The following AIM2 variants were observed in gnomAD, a reference collection of about 807,000 sequenced individuals.
AIM2 encodes the protein interferon-inducible protein AIM2.
In AIM2, 30 loss-of-function variants were observed where a neutral mutation model predicts 27.7. The observed-to-expected ratio is 1.08, with a 90% confidence interval of 0.81 to 1.47. The LOEUF is 1.47. AIM2 is among the 40% of genes most tolerant of loss of function. AIM2 has a pLI of 0.00. For missense variants in AIM2, 358 were observed against 411.3 expected, an observed-to-expected ratio of 0.87 and a Z score of 1.12; for synonymous variants, 141 against 145.3, an observed-to-expected ratio of 0.97 and a Z score of 0.21.
At position 159,063,671 on chromosome 1, in the gene AIM2, T is replaced by G; in HGVS notation, c.820A>C (p.Thr274Pro). The change falls in exon 5 of 6, where the codon ACA becomes CCA. Residue 274 changes from threonine to proline, a missense_variant. Physicochemically the swap from Thr to Pro is conservative, Grantham distance 38. Coordinates refer to ENST00000368130, the MANE Select transcript of AIM2 (RefSeq NM_004833.3). Reference protein sequence around the residue: ...VNGLFVVQKVTEKKKNILFDL... With the variant: ...VNGLFVVQKVPEKKKNILFDL... ...AATAATATGTTTTTCTTCTTTTCTGTTACCTATAAAAGAAAATCAACACCC... is the reference window on the plus strand; with the variant it reads ...AATAATATGTTTTTCTTCTTTTCTGGTACCTATAAAAGAAAATCAACACCC... 1.2e-6 allele frequency: 2 copies of G among 1,612,064 alleles called. No homozygotes were observed. Among genetic ancestry groups the G allele is most frequent in the Non-Finnish European group, 1.7e-6 (2 of 1,179,376 alleles).
At chr1:159,099,170 G>A (rs143282578) in intron 1 of AIM2, among the ~76,000 whole-genome samples, 5 of 152,294 alleles carry the variant, frequency 3.3e-5, no homozygotes, top group African/African-American at 1.2e-4. Flanking sequence ...AGAAAAGGCA[G>A]TGAAGACAGG....
At chr1:159,093,780 G>A (rs552555669) in intron 1 of AIM2, among the ~76,000 whole-genome samples, 1 of 151,680 alleles carries the variant, frequency 6.6e-6, no homozygotes, top group East Asian at 1.9e-4. Flanking sequence ...TCTGTCACCA[G>A]GCTGGAGTGC....
At chr1:159,075,574 C>CAG (rs1553215635) in intron 1 of AIM2, among the ~76,000 whole-genome samples, 1 of 109,148 alleles carries the variant, frequency 9.2e-6, no homozygotes. Flanking sequence ...CACACACACA[C>CAG]ATATATATAT....
intron 1 of AIM2, among the ~76,000 whole-genome samples, chr1:159,105,486 C>T (rs1051076721): frequency 6.6e-6 from 1 of 152,198 alleles, no homozygotes; most frequent in Admixed American, 6.5e-5. Context: ...ATTCTTGCCC[C>T]ATGTCCAGGA....
At chr1:159,075,273 A>G (rs1656550571) in intron 1 of AIM2, among the ~76,000 whole-genome samples, 1 of 152,178 alleles carries the variant, frequency 6.6e-6, no homozygotes, top group Non-Finnish European at 1.5e-5. Flanking sequence ...CTTATATCAT[A>G]CACAAAATAT....
chr1:159,064,459 A>C (rs765544376), intron 4 of AIM2, among the ~76,000 whole-genome samples: 23 of 152,222 alleles, frequency 1.5e-4, no homozygotes, highest in Non-Finnish European at 2.4e-4. Flanking sequence ...GAAGAGAGCT[A>C]TTTATTCTAT....
At chr1:159,102,274 G>A (rs1276786352) in intron 1 of AIM2, among the ~76,000 whole-genome samples, 1 of 152,220 alleles carries the variant, frequency 6.6e-6, no homozygotes, top group Non-Finnish European at 1.5e-5. Context: ...CAAGAATTGA[G>A]GTTTGGGAAC....
chr1:159,138,876 G>A (rs888958846), intron 1 of AIM2, among the ~76,000 whole-genome samples: 2 of 152,154 alleles, frequency 1.3e-5, no homozygotes, highest in African/African-American at 2.4e-5. Flanking sequence ...CAGCATCTCT[G>A]AAGTATTTGA....
intron 1 of AIM2, among the ~76,000 whole-genome samples, chr1:159,107,420 G>T (rs959092381): frequency 6.6e-6 from 1 of 152,024 alleles, no homozygotes; most frequent in Non-Finnish European, 1.5e-5. Flanking sequence ...TGGATAATGT[G>T]ATTTCAATTG....
chr1:159,107,689 C>A (rs1415628386), intron 1 of AIM2, among the ~76,000 whole-genome samples: 1 of 151,976 alleles, frequency 6.6e-6, no homozygotes, highest in Non-Finnish European at 1.5e-5. Context: ...AGAAGAAAAT[C>A]CAAATAAGCT....
chr1:159,097,958 A>G (rs1657214685), intron 1 of AIM2, among the ~76,000 whole-genome samples: 1 of 152,164 alleles, frequency 6.6e-6, no homozygotes, highest in Non-Finnish European at 1.5e-5. Context: ...GTACACCTCC[A>G]GAGAATTTAT....
intron 1 of AIM2, among the ~76,000 whole-genome samples, chr1:159,114,901 T>C (rs1397315943): frequency 6.6e-6 from 1 of 152,204 alleles, no homozygotes; most frequent in Non-Finnish European, 1.5e-5. Context: ...TTGTCCCTGT[T>C]TGCAGATGAC....
In AIM2 at chr1:159,139,593, C is replaced by A. The variant is rs575998490; in HGVS notation, c.-16+838G>T. On this transcript the variant is annotated intron_variant, in intron 1 of 2. Transcript: ENST00000368129. ...AACTTGGCAAAGCTGCTTCTTATAC[C>A]GAGGTCTTCTGATTCCAAGATAGGG... Among the ~76,000 whole-genome samples, 8 of 152,196 alleles carry A rather than the reference C, an allele frequency of 5.3e-5. No individual in the cohort carries two copies. In the South Asian group the frequency reaches 1.0e-3, roughly 20 times the overall value.
chr1:159,070,500 AG>A (rs1274063515), intron 2 of AIM2, among the ~76,000 whole-genome samples: 1 of 152,252 alleles, frequency 6.6e-6, no homozygotes, highest in Non-Finnish European at 1.5e-5. Context: ...CCATGTAACA[AG>A]ATGGCCATGT....
intron 1 of AIM2, among the ~76,000 whole-genome samples, chr1:159,126,195 G>A (rs896235393): frequency 6.6e-6 from 1 of 152,154 alleles, no homozygotes; most frequent in African/African-American, 2.4e-5. Flanking sequence ...TGGAAGTCAG[G>A]GAAGGACGAA....
rs537920232 is a variant in AIM2 at position 159,093,131 on chromosome 1, C to T, written c.-15-26802G>A. ...TCTTAACCCCATACCATTCTGATTT[C>T]GCATAAATAAAATACTGAAAGCACA... On this transcript the variant is annotated intron_variant, in intron 1 of 2. Coordinates refer to the AIM2 transcript ENST00000368129. Among the ~76,000 whole-genome samples the T allele has an allele frequency of 6.6e-5, 10 of 152,176 alleles. No homozygotes were observed. In the South Asian group the frequency reaches 1.5e-3, roughly 22 times the overall value.
chr1:159,094,909 C>T (rs890598955), intron 1 of AIM2, among the ~76,000 whole-genome samples: 2 of 151,414 alleles, frequency 1.3e-5, no homozygotes, highest in Non-Finnish European at 2.9e-5. Context: ...GCTGCTTATG[C>T]GAAAAAGGTA....
intron 1 of AIM2, among the ~76,000 whole-genome samples, chr1:159,137,689 G>C (rs1393885672): frequency 1.3e-5 from 2 of 152,082 alleles, no homozygotes; most frequent in African/African-American, 4.8e-5. Flanking sequence ...CCTATGTGTT[G>C]GTATCTGAGC....
intron 5 of AIM2, among the ~76,000 whole-genome samples, chr1:159,063,193 A>T (rs1374928178): frequency 1.3e-5 from 2 of 151,974 alleles, no homozygotes; most frequent in Non-Finnish European, 2.9e-5. Flanking sequence ...GACTTTTCCG[A>T]CTCTGGGCAA....
Sources: gnomAD v4.1 joint callset for allele counts (sites outside exome capture counted in the v4.1 genomes callset) on GRCh38, gnomAD v4.1.1 for gene constraint, MANE v1.5 for transcripts, NCBI Gene and HGNC (gene_info 2026-07-23, HGNC 2026-07-21) for gene names.